The following CD109 variants were observed in gnomAD, a reference collection of about 807,000 sequenced individuals.
CD109 encodes the protein CD109 antigen.
A neutral mutation model predicts 165.8 loss-of-function variants in CD109; 149 were observed. The ratio of observed to expected loss-of-function variants is 0.90; its 90% CI spans 0.79 to 1.03. The LOEUF (loss-of-function observed/expected upper bound fraction) is 1.03, where lower values mean the gene tolerates loss of function less well. CD109 is among the 50% of genes least tolerant of loss of function. The pLI is 0.00. For synonymous variants in CD109, 585 were observed against 592.1 expected, an observed-to-expected ratio of 0.99 and a Z score of 0.18; for missense variants, 1,712 against 1,677.8, an observed-to-expected ratio of 1.02 and a Z score of -0.36.
chr6:73,807,014 G>A lies in CD109; in HGVS notation c.3131G>A (p.Ser1044Asn). 6.2e-7 allele frequency: 1 copy of A among 1,613,964 alleles called. No individual in the cohort carries two copies. The highest frequency in any genetic ancestry group is 8.5e-7 in the Non-Finnish European group (1 of 1,179,944). The change falls in exon 25 of 33, where the codon AGT (serine) becomes AAT (asparagine). Residue 1044 changes from serine to asparagine, a missense_variant. Coordinates refer to ENST00000287097, the MANE Select transcript of CD109 (RefSeq NM_133493.5). ...IHSELQGGNK[S>N]PVTLTAYIVT... ...AGTGAGCTTCAAGGTGGCAATAAAA[G>A]TCCAGTAACACTTACAGCCTATATT...
At chr6:73,770,952 C>T (rs1019161438) in intron 14 of CD109, among the ~76,000 whole-genome samples, 7 of 152,158 alleles carry the variant, frequency 4.6e-5, no homozygotes, top group Non-Finnish European at 5.9e-5. Context: ...ACCACCCACT[C>T]CCTTGGAAAG....
intron 2 of CD109, among the ~76,000 whole-genome samples, chr6:73,722,597 C>T (rs1345284605): frequency 4.6e-5 from 7 of 152,206 alleles, no homozygotes; most frequent in African/African-American, 1.7e-4. Flanking sequence ...CCTTCTCTCT[C>T]TTTAAAATCA....
At chr6:73,769,986 G>T (rs188519582) in intron 14 of CD109, among the ~76,000 whole-genome samples, 1 of 152,324 alleles carries the variant, frequency 6.6e-6, no homozygotes, top group East Asian at 1.9e-4. Context: ...TGAAACAAAA[G>T]GCAGAAGAGT....
chr6:73,696,263 C>G lies in CD109; in HGVS notation c.48C>G (p.Cys16Trp). ...CCGCCGCCCACCTCCTCTGCGTGTGCACCGCCGCGCTGGCCGTGGCTCCCG... is the reference window on the plus strand; with the variant it reads ...CCGCCGCCCACCTCCTCTGCGTGTGGACCGCCGCGCTGGCCGTGGCTCCCG... ...LLTAAHLLCVCTAALAVAPGP... is the reference protein window; with the variant it reads ...LLTAAHLLCVWTAALAVAPGP... The change falls in exon 1 of 33, where the codon TGC becomes TGG. Residue 16 changes from cysteine (C) to tryptophan (W), a missense_variant. By Grantham distance (215) the Cys-to-Trp change is radical. Transcript: ENST00000287097. The G allele has an allele frequency of 6.5e-7, 1 of 1,532,750 alleles. No homozygotes were observed. Among genetic ancestry groups the G allele is most frequent in the Non-Finnish European group, 8.7e-7 (1 of 1,145,186 alleles). The allele number at this position is 1,532,750 out of a possible 1,614,324, so 94.9% of individuals were successfully genotyped here. A position where few individuals can be genotyped will look rare whatever the true frequency, so the allele number is the denominator to read the frequency against.
At chr6:73,749,791 C>T (rs1773120633) in intron 5 of CD109, among the ~76,000 whole-genome samples, 1 of 152,132 alleles carries the variant, frequency 6.6e-6, no homozygotes, top group Non-Finnish European at 1.5e-5. Flanking sequence ...GTATGACACC[C>T]TTATGGTAAA....
chr6:73,774,553 A>G (rs1349013679), intron 15 of CD109, among the ~76,000 whole-genome samples: 1 of 152,102 alleles, frequency 6.6e-6, no homozygotes, highest in East Asian at 1.9e-4. Context: ...TGTTTTCTTC[A>G]CTTTCCCACA....
intron 3 of CD109, among the ~76,000 whole-genome samples, chr6:73,726,342 T>G (rs1270526263): frequency 1.3e-5 from 2 of 152,232 alleles, no homozygotes; most frequent in African/African-American, 4.8e-5. Context: ...AATATTGTTT[T>G]GTACACAATA....
At chr6:73,781,670 GAAATATTTTTGTACT>G (rs1774505016) in intron 17 of CD109, among the ~76,000 whole-genome samples, 1 of 57,416 alleles carries the variant, frequency 1.7e-5, no homozygotes, top group African/African-American at 8.7e-5. Flanking sequence ...ACATATTTTT[GAAATATTTTTGTACT>G]CCAGCTTTTT....
chr6:73,709,742 C>T (rs1200227402), intron 2 of CD109, among the ~76,000 whole-genome samples: 1 of 152,154 alleles, frequency 6.6e-6, no homozygotes, highest in Non-Finnish European at 1.5e-5. Context: ...GCTTATCCAC[C>T]ATGATCAAGT....
At position 73,697,529 on chromosome 6, in the gene CD109, C is replaced by T. The variant is rs1461185588; in HGVS notation, c.204C>T (p.Asn68=). 7 of 1,613,966 alleles carry T rather than the reference C, an allele frequency of 4.3e-6. No homozygotes were observed. In the South Asian group the frequency reaches 4.4e-5, roughly 10 times the overall value. The part of the protein sequence containing the change: ...VKAELLKTAS[N]LTVSVLEAEG... ...CGGAGCTGCTCAAGACAGCATCAAA[C>T]CTCACTGTCTCTGTCCTGGAAGCAG... The change falls in exon 2 of 33, where the codon AAC becomes AAT. Residue 68 remains asparagine (N), a synonymous_variant. Coordinates refer to ENST00000287097, the MANE Select transcript of CD109 (RefSeq NM_133493.5).
intron 22 of CD109, among the ~76,000 whole-genome samples, chr6:73,789,857 G>A (rs1774856365): frequency 6.6e-6 from 1 of 150,804 alleles, no homozygotes; most frequent in African/African-American, 2.4e-5. Context: ...GCCTCTTGGG[G>A]TTCAAGCGAG....
intron 28 of CD109, among the ~76,000 whole-genome samples, chr6:73,811,544 G>A (rs757732867): frequency 6.6e-6 from 1 of 152,142 alleles, no homozygotes; most frequent in Non-Finnish European, 1.5e-5. Flanking sequence ...TAAGTGACTT[G>A]CTCAAGATCA....
chr6:73,765,855 A>G (rs938270969), intron 10 of CD109, 75 bp from the exon 11 acceptor site: 3 of 1,072,084 alleles, frequency 2.8e-6, no homozygotes, highest in African/African-American at 3.2e-5. Flanking sequence ...TTTCATGAGA[A>G]TACTACAGAC....
At chr6:73,718,788 A>G (rs1771838360) in intron 2 of CD109, among the ~76,000 whole-genome samples, 1 of 152,142 alleles carries the variant, frequency 6.6e-6, no homozygotes, top group Admixed American at 6.5e-5. Context: ...AATGTATGTA[A>G]TGCTTTAGAA....
intron 24 of CD109, 23 bp downstream of exon 24, chr6:73,803,324 C>G (rs1161538162): frequency 6.3e-7 from 1 of 1,578,884 alleles, no homozygotes; most frequent in Non-Finnish European, 8.7e-7. Context: ...GCCAACTGAA[C>G]AAATCCGTGT....
intron 22 of CD109, 98 bp from the exon 23 acceptor site, chr6:73,792,528 T>C: frequency 1.0e-6 from 1 of 999,260 alleles, no homozygotes; most frequent in Non-Finnish European, 1.5e-6. Context: ...ATTGCTTCAA[T>C]GACAGAGGTC....
chr6:73,817,730 G>T (rs1370377184), intron 30 of CD109, among the ~76,000 whole-genome samples: 2 of 152,072 alleles, frequency 1.3e-5, no homozygotes, highest in Non-Finnish European at 2.9e-5. Flanking sequence ...AAATGTTGTT[G>T]GTGCCCAGAT....
rs2150258884 is a variant in CD109, at chr6:73,787,268, A to G, written c.2372A>G (p.Asp791Gly). The G allele has an allele frequency of 6.2e-7, 1 of 1,613,462 alleles. No individual in the cohort carries two copies. The highest frequency in any genetic ancestry group is 8.5e-7 in the Non-Finnish European group (1 of 1,179,676). The stretch of plus-strand genomic sequence containing the variant: ...ATCATTGAGAAAAGTGACAAATTTG[A>G]TATTCTAATGACTTCAAATGAAATA... ...KVIIEKSDKF[D>G]ILMTSNEINA... The change falls in exon 21 of 33, where the codon GAT becomes GGT. Residue 791 changes from aspartate to glycine, a missense_variant. By Grantham distance (94) the Asp-to-Gly change is moderately conservative. Coordinates refer to ENST00000287097, the MANE Select transcript of CD109 (RefSeq NM_133493.5).
intron 10 of CD109, among the ~76,000 whole-genome samples, chr6:73,764,006 T>G (rs73460314): frequency 0.013 from 1,915 of 152,330 alleles, 40 homozygotes; most frequent in African/African-American, 0.043. Context: ...AATTTCAATT[T>G]CAATTTGGTT....
Sources: allele counts gnomAD v4.1 joint callset (sites outside exome capture counted in the v4.1 genomes callset), GRCh38; gene constraint gnomAD v4.1.1; transcripts MANE v1.5; gene names NCBI Gene and HGNC (gene_info 2026-07-23, HGNC 2026-07-21).